The following KLHL41 variants were observed in gnomAD, a reference collection of about 807,000 sequenced individuals.
KLHL41 encodes the protein kelch like family member 41, also known as kelch-like protein 41.
In KLHL41, 31 loss-of-function variants were observed where a neutral mutation model predicts 49.2. That is an observed-to-expected ratio of 0.63 (90% CI 0.47 to 0.85). The LOEUF is 0.85. Ranked by LOEUF, KLHL41 falls within the 40% of genes least tolerant of loss-of-function variation. The pLI is 0.00. For synonymous variants in KLHL41, 218 were observed against 258.5 expected, an observed-to-expected ratio of 0.84 and a Z score of 1.50; for missense variants, 663 against 726.7, an observed-to-expected ratio of 0.91 and a Z score of 1.01.
intron 3 of KLHL41, among the ~76,000 whole-genome samples, chr2:169,517,506 A>G (rs1200994026): frequency 6.6e-6 from 1 of 152,144 alleles, no homozygotes; most frequent in African/African-American, 2.4e-5. Context: ...TGGGAAGTTG[A>G]GATGGGAGGA....
intron 1 of KLHL41, among the ~76,000 whole-genome samples, chr2:169,512,317 CT>C (rs1410659311): frequency 6.6e-6 from 1 of 151,980 alleles, no homozygotes; most frequent in Non-Finnish European, 1.5e-5. Context: ...ATGAAAAAGG[CT>C]ATAAATACAT....
At chr2:169,514,511 T>G in intron 1 of KLHL41, 63 bp from the exon 2 acceptor site, 1 of 1,397,226 alleles carries the variant, frequency 7.2e-7, no homozygotes, top group Non-Finnish European at 9.9e-7. Flanking sequence ...GTATAACTTT[T>G]TTTGGTGTAC....
intron 4 of KLHL41, among the ~76,000 whole-genome samples, chr2:169,520,420 C>T (rs1378876491): frequency 4.6e-5 from 7 of 151,624 alleles, no homozygotes; most frequent in East Asian, 1.9e-4. Context: ...GCTGGGATTA[C>T]GGGCATGAGC....
In KLHL41 at chr2:169,525,945, C is replaced by G. The variant is rs567781031; in HGVS notation, c.*249C>G. The G allele has an allele frequency of 1.7e-4, 52 of 298,678 alleles. No homozygotes were observed. Among genetic ancestry groups the G allele is most frequent in the African/African-American group, 9.7e-4 (45 of 46,262 alleles). 18.5% of individuals were successfully genotyped at this position (298,678 alleles called of 1,614,324 possible). ...AACAAATTATTTTGTGAATCTGTTT[C>G]ACTCAATGGATTGTAAAGAAGGCTC... On this transcript the variant is annotated 3_prime_UTR_variant, in exon 6 of 6. Coordinates refer to ENST00000284669, the MANE Select transcript of KLHL41 (RefSeq NM_006063.3).
intron 1 of KLHL41, among the ~76,000 whole-genome samples, chr2:169,512,106 T>C (rs926718593): frequency 6.6e-6 from 1 of 152,260 alleles, no homozygotes; most frequent in African/African-American, 2.4e-5. Flanking sequence ...GTGTGTGATA[T>C]ACTTTGCATT....
chr2:169,520,314 G>GTGTGTGTGTGTGTA lies in KLHL41; in HGVS notation c.1563-534_1563-533insATGTGTGTGTGTGT, dbSNP rs1553531989. Among the ~76,000 whole-genome samples, 1,030 of 103,472 alleles carry GTGTGTGTGTGTGTA rather than the reference G, an allele frequency of 1.0e-2. 73 individuals are homozygous for GTGTGTGTGTGTGTA. Among genetic ancestry groups the GTGTGTGTGTGTGTA allele is most frequent in the East Asian group, 0.014 (45 of 3,200 alleles). The allele number at this position is 103,472 out of a possible 152,430, so 67.9% of individuals were successfully genotyped here. On this transcript the variant is annotated intron_variant, in intron 4 of 5. Transcript: ENST00000284669. The stretch of plus-strand genomic sequence containing the variant: ...TGTGTGTGTGTGTGTGTGTGTGTAT[G>GTGTGTGTGTGTGTA]TGTGTGTGTGTGTGTGGAGGCAGTC...
At chr2:169,514,309 A>T in intron 1 of KLHL41, 1 of 312,906 alleles carries the variant, frequency 3.2e-6, no homozygotes. Context: ...AGTTGTAATT[A>T]ACCTCTGGTG....
chr2:169,521,201 G>A (rs1684198284), intron 5 of KLHL41, among the ~76,000 whole-genome samples, 194 bp downstream of exon 5: 1 of 152,114 alleles, frequency 6.6e-6, no homozygotes, highest in South Asian at 2.1e-4. Context: ...AGTTAGCTCT[G>A]AGCCTGAGAA....
At chr2:169,513,772 G>A (rs947005697) in intron 1 of KLHL41, among the ~76,000 whole-genome samples, 1 of 152,140 alleles carries the variant, frequency 6.6e-6, no homozygotes, top group Non-Finnish European at 1.5e-5. Context: ...GCCTTAGTGT[G>A]CTAAAATGAA....
chr2:169,512,179 T>C lies in KLHL41; in HGVS notation c.1110+1291T>C, dbSNP rs1484888918. Among the ~76,000 whole-genome samples, 3 of 152,350 alleles carry C rather than the reference T, an allele frequency of 2.0e-5. No individual in the cohort carries two copies. In the East Asian group the frequency reaches 5.8e-4, roughly 29 times the overall value. On this transcript the variant is annotated intron_variant, in intron 1 of 5. Coordinates refer to ENST00000284669, the MANE Select transcript of KLHL41 (RefSeq NM_006063.3). Reference sequence around the variant, plus strand: ...ATCTTGAAAAATGTAGTTGTGATAATACATATTAATCATGTTTCTTAATTT... The same window carrying C: ...ATCTTGAAAAATGTAGTTGTGATAACACATATTAATCATGTTTCTTAATTT...
chr2:169,511,063 T>C (rs1204862677), intron 1 of KLHL41, among the ~76,000 whole-genome samples, 175 bp downstream of exon 1: 2 of 152,226 alleles, frequency 1.3e-5, no homozygotes, highest in Non-Finnish European at 2.9e-5. Context: ...TTGACTGCTT[T>C]GTTAATGTGT....
chr2:169,518,384 C>G lies in KLHL41; in HGVS notation c.1562+9C>G. ...GACCTTACAACAAATAAGTGAGTTG[C>G]CACATCTTAGTATATAGCATGTGAA... On this transcript the variant is annotated intron_variant, in intron 4 of 5. Transcript: ENST00000284669. 1 of 1,596,062 alleles carries G rather than the reference C, an allele frequency of 6.3e-7. No homozygotes were observed. Among genetic ancestry groups the G allele is most frequent in the African/African-American group, 1.3e-5 (1 of 74,486 alleles).
chr2:169,522,720 T>G (rs1445293700), intron 5 of KLHL41, among the ~76,000 whole-genome samples: 1 of 126,576 alleles, frequency 7.9e-6, no homozygotes, highest in African/African-American at 3.0e-5. Flanking sequence ...TTTTTTTTTT[T>G]TTTTTTTTTT....
At position 169,510,806 on chromosome 2, in the gene KLHL41, A is replaced by G. The variant is rs1453463248; in HGVS notation, c.1028A>G (p.Gln343Arg). The G allele has an allele frequency of 6.2e-7, 1 of 1,614,130 alleles. No individual in the cohort carries two copies. The highest frequency in any genetic ancestry group is 1.1e-5 in the South Asian group (1 of 91,084). ...AGAAATCATTCCAGCATTGTTACCC[A>G]GCAAAATCAGATATATGTGGTAGGA... ...IPRNHSSIVT[Q>R]QNQIYVVGGL... Residue 343 changes from glutamine to arginine, a missense_variant, in exon 1 of 6, where the codon CAG becomes CGG. Coordinates refer to ENST00000284669, the MANE Select transcript of KLHL41 (RefSeq NM_006063.3). The surrounding 1 kb of genome is among the most constrained non-coding windows in gnomAD (Gnocchi z 4.2).
chr2:169,517,257 T>G (rs969046922), intron 3 of KLHL41, among the ~76,000 whole-genome samples: 1 of 152,172 alleles, frequency 6.6e-6, no homozygotes, highest in Non-Finnish European at 1.5e-5. Context: ...TCAATTATTA[T>G]TTGAAATTCT....
rs77322519 is a variant in KLHL41 at position 169,516,470 on chromosome 2, A to C, written c.1376+1509A>C. Among the ~76,000 whole-genome samples the C allele has an allele frequency of 1.8e-4, 28 of 152,308 alleles. No homozygotes were observed. In the East Asian group the frequency reaches 4.4e-3, roughly 24 times the overall value. ...ATATGCTTACCTGGTGCCAGATCTTATTTTGGGCATTTTTCCTGAGTAAAC... is the reference window on the plus strand; with the variant it reads ...ATATGCTTACCTGGTGCCAGATCTTCTTTTGGGCATTTTTCCTGAGTAAAC... On this transcript the variant is annotated intron_variant, in intron 3 of 5. Transcript: ENST00000284669.
Position 169,525,889 on chromosome 2 carries a change from A to G in KLHL41, c.*193A>G, listed in dbSNP as rs28763873. The G allele has an allele frequency of 4.1e-5, 16 of 386,970 alleles. No individual in the cohort carries two copies. In the East Asian group the frequency reaches 6.1e-4, roughly 15 times the overall value. The allele number at this position is 386,970 out of a possible 1,614,324, so 24.0% of individuals were successfully genotyped here. ...AATGTAATGATCAGAGTTTAAAACC[A>G]TTTTCTAATAATAAATTAAATCTTC... On this transcript the variant is annotated 3_prime_UTR_variant, in exon 6 of 6. Coordinates refer to ENST00000284669, the MANE Select transcript of KLHL41 (RefSeq NM_006063.3).
chr2:169,513,335 G>T (rs1434596642), intron 1 of KLHL41, among the ~76,000 whole-genome samples: 2 of 152,080 alleles, frequency 1.3e-5, no homozygotes, highest in African/African-American at 4.8e-5. Flanking sequence ...ACTAAATGAG[G>T]TTACCTGTGT....
intron 1 of KLHL41, among the ~76,000 whole-genome samples, chr2:169,512,905 T>TC (rs1684050369): frequency 1.3e-5 from 2 of 152,146 alleles, no homozygotes; most frequent in African/African-American, 4.8e-5. Flanking sequence ...GAGGATTTTT[T>TC]CCCCCACTCA....
Sources: gnomAD v4.1 joint callset for allele counts (sites outside exome capture counted in the v4.1 genomes callset) on GRCh38, gnomAD v4.1.1 for gene constraint, Gnocchi (gnomAD v3.1) non-coding constraint, MANE v1.5 for transcripts, NCBI Gene and HGNC (gene_info 2026-07-23, HGNC 2026-07-21) for gene names.